RABGEF1: variants seen among roughly 807,000 people sequenced by gnomAD.
RABGEF1 encodes the protein rab5 GDP/GTP exchange factor.
Under a neutral mutation model 57.3 loss-of-function variants are expected in RABGEF1, and 26 were observed. The ratio of observed to expected loss-of-function variants is 0.45; its 90% CI spans 0.33 to 0.63. RABGEF1 has a LOEUF of 0.63. Ranked by LOEUF, RABGEF1 falls within the 20% of genes least tolerant of loss-of-function variation. The probability of loss-of-function intolerance (pLI) is 0.02; values close to 1 mark genes in which losing one functional copy is unlikely to be tolerated. For missense variants in RABGEF1, 464 were observed against 607.6 expected, an observed-to-expected ratio of 0.76 and a Z score of 2.48; for synonymous variants, 185 against 210.7, an observed-to-expected ratio of 0.88 and a Z score of 1.06.
intron 6 of RABGEF1, among the ~76,000 whole-genome samples, chr7:66,798,885 C>T (rs1221730284): frequency 6.6e-6 from 1 of 152,132 alleles, no homozygotes; most frequent in Non-Finnish European, 1.5e-5. Flanking sequence ...TTGCTTGAAC[C>T]CAGGATGCAG....
At chr7:66,660,508 A>T in the RABGEF1 span, among the ~76,000 whole-genome samples, 4 of 152,058 alleles carry the variant, frequency 2.6e-5, no homozygotes, top group African/African-American at 2.4e-5. Flanking sequence ...ACCAAGACTG[A>T]ATCACAAACA....
At chr7:66,675,705 G>A in the RABGEF1 span, among the ~76,000 whole-genome samples, 4 of 152,172 alleles carry the variant, frequency 2.6e-5, no homozygotes, top group South Asian at 8.3e-4. Context: ...GACGAAAACT[G>A]TTAGAACTAA....
At chr7:66,681,393 CTT>C (rs60669901), upstream of RABGEF1, among the ~76,000 whole-genome samples, 92 of 128,794 alleles carry the variant, frequency 7.1e-4, no homozygotes, top group Admixed American at 2.8e-3. Context: ...CTCAGTTACG[CTT>C]TTTTTTTTTT....
intron 2 of RABGEF1, among the ~76,000 whole-genome samples, chr7:66,726,741 C>T (rs112555411): frequency 0.24 from 35,843 of 151,976 alleles, 4,394 homozygotes; most frequent in East Asian, 0.31. Flanking sequence ...CGGTGGCTCA[C>T]GCCTGTAATC....
chr7:66,790,185 A>G (rs999233940), intron 4 of RABGEF1, among the ~76,000 whole-genome samples: 10 of 152,226 alleles, frequency 6.6e-5, no homozygotes, highest in Admixed American at 3.9e-4. Flanking sequence ...AGTGTGTTCC[A>G]GAAGAAGAAA....
chr7:66,670,894 T>TACACACACAC, the RABGEF1 span, among the ~76,000 whole-genome samples: 2,616 of 145,616 alleles, frequency 0.018, 47 homozygotes, highest in East Asian at 0.082. Flanking sequence ...CACATACGTA[T>TACACACACAC]ACACACACAC....
At chr7:66,663,118 G>A in the RABGEF1 span, among the ~76,000 whole-genome samples, 1 of 152,258 alleles carries the variant, frequency 6.6e-6, no homozygotes, top group African/African-American at 2.4e-5. Flanking sequence ...GTGTCTTAAG[G>A]GCGTGTTCCT....
intron 2 of RABGEF1, among the ~76,000 whole-genome samples, chr7:66,730,052 T>C (rs777066712): frequency 5.3e-5 from 8 of 152,240 alleles, no homozygotes; most frequent in Non-Finnish European, 1.2e-4. Flanking sequence ...GTTTCAGCTG[T>C]GCCATAGACT....
intron 8 of RABGEF1, among the ~76,000 whole-genome samples, chr7:66,808,558 G>A (rs1788979004): frequency 6.6e-6 from 1 of 152,122 alleles, no homozygotes; most frequent in African/African-American, 2.4e-5. Flanking sequence ...ATTCATTTGA[G>A]GATCAGAGGT....
intron 1 of RABGEF1, among the ~76,000 whole-genome samples, chr7:66,757,249 C>A (rs1388548445): frequency 6.6e-6 from 1 of 152,062 alleles, no homozygotes; most frequent in East Asian, 1.9e-4. Flanking sequence ...GCTATTATGA[C>A]TGATATCTTT....
At chr7:66,798,591 G>A (rs907143398) in intron 6 of RABGEF1, among the ~76,000 whole-genome samples, 3 of 152,114 alleles carry the variant, frequency 2.0e-5, no homozygotes, top group Non-Finnish European at 4.4e-5. Flanking sequence ...CAGTTAGGGT[G>A]GGACCAGGAA....
At chr7:66,734,186 C>T (rs2117689109) in intron 2 of RABGEF1, among the ~76,000 whole-genome samples, 1 of 152,188 alleles carries the variant, frequency 6.6e-6, no homozygotes, top group Non-Finnish European at 1.5e-5. Flanking sequence ...ACAGCCATGC[C>T]CCAAACCACA....
At chr7:66,680,195 T>C (rs1789598701), upstream of RABGEF1, among the ~76,000 whole-genome samples, 1 of 152,190 alleles carries the variant, frequency 6.6e-6, no homozygotes, top group Non-Finnish European at 1.5e-5. Flanking sequence ...ACTTTAAATT[T>C]ATTGTTTATT....
intron 3 of RABGEF1, among the ~76,000 whole-genome samples, chr7:66,782,465 C>CT (rs199988808): frequency 0.028 from 3,921 of 139,458 alleles, 63 homozygotes; most frequent in Non-Finnish European, 0.035. Flanking sequence ...ACATACCTTA[C>CT]TTTTTTTTTT....
chr7:66,751,817 T>C (rs557405130), intron 1 of RABGEF1, among the ~76,000 whole-genome samples: 47 of 152,316 alleles, frequency 3.1e-4, no homozygotes, highest in African/African-American at 1.1e-3. Context: ...TGTGTGGCTA[T>C]AGAATTTGGA....
intron 1 of RABGEF1, among the ~76,000 whole-genome samples, chr7:66,743,326 T>A (rs1009500792): frequency 8.8e-5 from 11 of 124,820 alleles, no homozygotes; most frequent in South Asian, 7.7e-4. Context: ...AAGAAAAAAA[T>A]TTAAAAAAAA....
intron 4 of RABGEF1, among the ~76,000 whole-genome samples, chr7:66,786,274 C>T (rs1811164119): frequency 6.6e-6 from 1 of 151,980 alleles, no homozygotes; most frequent in Admixed American, 6.5e-5. Context: ...CAAGAAACAC[C>T]TTGTCTACAC....
the RABGEF1 span, among the ~76,000 whole-genome samples, chr7:66,655,554 G>A: frequency 6.6e-6 from 1 of 152,164 alleles, no homozygotes; most frequent in East Asian, 1.9e-4. Flanking sequence ...TATATTTTTT[G>A]AGATGGGATC....
chr7:66,675,912 T>G, the RABGEF1 span, among the ~76,000 whole-genome samples: 1 of 152,154 alleles, frequency 6.6e-6, no homozygotes, highest in African/African-American at 2.4e-5. Flanking sequence ...AAACCATTGC[T>G]GAAAGTAATC....
Sources: gnomAD v4.1 joint callset for allele counts (sites outside exome capture counted in the v4.1 genomes callset) on GRCh38, gnomAD v4.1.1 for gene constraint, MANE v1.5 for transcripts, NCBI Gene and HGNC (gene_info 2026-07-23, HGNC 2026-07-21) for gene names.